The following TNKS variants were observed in gnomAD, a reference collection of about 807,000 sequenced individuals.
TNKS encodes the protein poly [ADP-ribose] polymerase tankyrase-1.
A neutral mutation model predicts 135.8 loss-of-function variants in TNKS; 72 were observed. That is an observed-to-expected ratio of 0.53 (90% confidence interval 0.44 to 0.64). TNKS has a LOEUF of 0.64. TNKS is among the 30% of genes least tolerant of loss of function. The pLI is 0.00. For missense variants in TNKS, 1,769 were observed against 1,674.0 expected (o/e 1.06, Z -0.99); for synonymous variants, 849 against 649.3 (o/e 1.31, Z -4.68).
Position 9,678,903 on chromosome 8 carries a change from C to A in TNKS, c.995-1048C>A, listed in dbSNP as rs560815460. ...GTTGAGATACTTTGTATAATTATTTCTTTAGTGATGTAGCAAACTAAGTCA... is the reference window on the plus strand; with the variant it reads ...GTTGAGATACTTTGTATAATTATTTATTTAGTGATGTAGCAAACTAAGTCA... On this transcript the variant is annotated intron_variant, in intron 3 of 26. Coordinates refer to ENST00000310430, the MANE Select transcript of TNKS (RefSeq NM_003747.3). Among the ~76,000 whole-genome samples the A allele has an allele frequency of 3.3e-5, 5 of 152,122 alleles. No homozygotes were observed. In the East Asian group the frequency reaches 9.6e-4, roughly 29 times the overall value.
intron 3 of TNKS, among the ~76,000 whole-genome samples, chr8:9,627,284 T>C (rs558924510): frequency 1.8e-4 from 27 of 152,224 alleles, no homozygotes; most frequent in Admixed American, 1.5e-3. Flanking sequence ...AACCAGTAAA[T>C]GTAAGTAAGT....
chr8:9,744,027 A>G (rs540289538), intron 17 of TNKS, among the ~76,000 whole-genome samples: 1 of 152,272 alleles, frequency 6.6e-6, no homozygotes, highest in Admixed American at 6.5e-5. Context: ...TTTCCCCTAG[A>G]GAGCTCAATC....
chr8:9,580,047 A>C, intron 1 of TNKS, 112 bp from the exon 2 acceptor site: 1 of 816,794 alleles, frequency 1.2e-6, no homozygotes, highest in Non-Finnish European at 2.0e-6. Context: ...ACCATTTACT[A>C]TAGAGTGCAG....
chr8:9,608,469 T>C (rs922935903), intron 2 of TNKS, among the ~76,000 whole-genome samples: 2 of 152,146 alleles, frequency 1.3e-5, no homozygotes, highest in Admixed American at 6.5e-5. Flanking sequence ...TTCTCAAGGC[T>C]AGAATTGCAA....
intron 1 of TNKS, among the ~76,000 whole-genome samples, chr8:9,579,143 T>G (rs1798069261): frequency 2.0e-5 from 3 of 152,204 alleles, no homozygotes; most frequent in African/African-American, 7.2e-5. Context: ...CATTTTTGTC[T>G]GAAAACTGTG....
chr8:9,722,718 T>C (rs1804952511), intron 12 of TNKS, among the ~76,000 whole-genome samples: 1 of 152,216 alleles, frequency 6.6e-6, no homozygotes, highest in Non-Finnish European at 1.5e-5. Flanking sequence ...CTAAATTTTC[T>C]CATTTTACTG....
chr8:9,687,554 T>C (rs927309559), intron 5 of TNKS, among the ~76,000 whole-genome samples: 4 of 152,244 alleles, frequency 2.6e-5, no homozygotes, highest in Non-Finnish European at 4.4e-5. Context: ...ACATTTCTAC[T>C]GGTAAGGGTA....
At chr8:9,583,164 CAAAAAA>C (rs35527299) in intron 2 of TNKS, among the ~76,000 whole-genome samples, 1 of 71,720 alleles carries the variant, frequency 1.4e-5, no homozygotes, top group African/African-American at 5.1e-5. Context: ...GACTCTGTCT[CAAAAAA>C]AAAAAAAAAA....
At chr8:9,611,920 A>G (rs13263825) in intron 2 of TNKS, among the ~76,000 whole-genome samples, 16,239 of 152,072 alleles carry the variant, frequency 0.11, 1,187 homozygotes, top group East Asian at 0.23. Flanking sequence ...TTCTGTTATT[A>G]TTTTTTTCAT....
chr8:9,628,080 C>G (rs1800133351), intron 3 of TNKS, among the ~76,000 whole-genome samples: 1 of 152,164 alleles, frequency 6.6e-6, no homozygotes, highest in Non-Finnish European at 1.5e-5. Context: ...GAATTTGTTT[C>G]CTGCAGCTAT....
intron 1 of TNKS, among the ~76,000 whole-genome samples, chr8:9,566,839 C>A (rs12677711): frequency 0.29 from 43,296 of 150,724 alleles, 6,569 homozygotes; most frequent in East Asian, 0.39. Context: ...CGATCTCCTG[C>A]CCTCATGATC....
intron 3 of TNKS, among the ~76,000 whole-genome samples, chr8:9,630,193 C>T (rs1038203891): frequency 6.6e-6 from 1 of 152,130 alleles, no homozygotes; most frequent in Non-Finnish European, 1.5e-5. Context: ...GGCTTCATAA[C>T]AAGTCGATTT....
intron 3 of TNKS, among the ~76,000 whole-genome samples, chr8:9,675,157 A>G (rs1414854648): frequency 6.6e-6 from 1 of 152,228 alleles, no homozygotes; most frequent in Admixed American, 6.5e-5. Flanking sequence ...CTGGTGCTTT[A>G]GCTGAATTCC....
At chr8:9,673,085 G>C (rs1267787179) in intron 3 of TNKS, among the ~76,000 whole-genome samples, 1 of 151,988 alleles carries the variant, frequency 6.6e-6, no homozygotes. Context: ...TGGCCGATGT[G>C]TATTTATTGA....
chr8:9,603,391 A>G (rs745896993), intron 2 of TNKS, among the ~76,000 whole-genome samples: 1 of 152,228 alleles, frequency 6.6e-6, no homozygotes, highest in Non-Finnish European at 1.5e-5. Flanking sequence ...AAAAATTCAG[A>G]TTATCAGTTT....
At chr8:9,622,214 G>C (rs1188596671) in intron 3 of TNKS, among the ~76,000 whole-genome samples, 2 of 152,120 alleles carry the variant, frequency 1.3e-5, no homozygotes, top group African/African-American at 4.8e-5. Context: ...ATTTTCAAGT[G>C]TTGTTTGCAC....
intron 5 of TNKS, among the ~76,000 whole-genome samples, chr8:9,701,881 G>C (rs1803821162): frequency 6.6e-6 from 1 of 152,162 alleles, no homozygotes; most frequent in African/African-American, 2.4e-5. Context: ...GATAAGTACT[G>C]AGTAACACAT....
At chr8:9,641,829 A>G (rs1367584530) in intron 3 of TNKS, among the ~76,000 whole-genome samples, 1 of 146,036 alleles carries the variant, frequency 6.8e-6, no homozygotes, top group Non-Finnish European at 1.5e-5. Flanking sequence ...CAATATATCT[A>G]TCTGCACAAG....
chr8:9,607,613 A>G (rs1363726696), intron 2 of TNKS, among the ~76,000 whole-genome samples: 1 of 152,190 alleles, frequency 6.6e-6, no homozygotes, highest in Non-Finnish European at 1.5e-5. Flanking sequence ...AATGATTTCC[A>G]TTTGTCGTAT....
Sources: gnomAD v4.1 joint callset for allele counts (sites outside exome capture counted in the v4.1 genomes callset) on GRCh38, gnomAD v4.1.1 for gene constraint, MANE v1.5 for transcripts, NCBI Gene and HGNC (gene_info 2026-07-23, HGNC 2026-07-21) for gene names.